The following ARMC9 variants were observed in gnomAD, a reference collection of about 807,000 sequenced individuals.
ARMC9 encodes lisH domain-containing protein ARMC9.
In ARMC9, 94 loss-of-function variants were observed where a neutral mutation model predicts 107.0. The observed-to-expected ratio is 0.88, with a 90% confidence interval of 0.74 to 1.04. The LOEUF (loss-of-function observed/expected upper bound fraction) is 1.04. ARMC9 is among the 50% of genes least tolerant of loss of function. The pLI is 0.00. For missense variants in ARMC9, 942 were observed against 1,030.1 expected (o/e 0.91, Z 1.17); for synonymous variants, 380 against 396.9 (o/e 0.96, Z 0.51).
At chr2:231,352,522 C>T (rs1402250695) in intron 21 of ARMC9, among the ~76,000 whole-genome samples, 1 of 151,166 alleles carries the variant, frequency 6.6e-6, no homozygotes, top group East Asian at 2.0e-4. Flanking sequence ...CGGGTTTTCA[C>T]CATGTTGGCC....
At chr2:231,205,513 T>C (rs1312118527) in intron 1 of ARMC9, among the ~76,000 whole-genome samples, 2 of 152,200 alleles carry the variant, frequency 1.3e-5, no homozygotes, top group Non-Finnish European at 2.9e-5. Flanking sequence ...CCTCTGGGGT[T>C]ACGGGCAACT....
intron 9 of ARMC9, among the ~76,000 whole-genome samples, chr2:231,245,458 G>A (rs2036672818): frequency 6.6e-6 from 1 of 152,194 alleles, no homozygotes; most frequent in African/African-American, 2.4e-5. Context: ...TTGAAAGTCA[G>A]CCCTGGGCAG....
intron 6 of ARMC9, among the ~76,000 whole-genome samples, chr2:231,224,108 C>T (rs2034421452): frequency 6.6e-6 from 1 of 152,036 alleles, no homozygotes; most frequent in Non-Finnish European, 1.5e-5. Flanking sequence ...AAATGATTTA[C>T]ATGGTAAATT....
Position 231,268,996 on chromosome 2 carries a change from A to ATT in ARMC9, c.1120-1986_1120-1985insTT, listed in dbSNP as rs777478261. ...GGCGAGAGGATTGCTTGAGCCCAAG[A>ATT]GGTTGAGGCTGTGAGCTGTGATCAC... On this transcript the variant is annotated intron_variant, in intron 12 of 24. Coordinates refer to ENST00000611582, the MANE Select transcript of ARMC9 (RefSeq NM_001352754.2). 4.6e-3 allele frequency among the ~76,000 whole-genome samples: 705 copies of ATT among 152,294 alleles called. 1 individual carries two copies. Among genetic ancestry groups the ATT allele is most frequent in the Non-Finnish European group, 7.3e-3 (495 of 68,008 alleles).
At chr2:231,363,906 A>C (rs1477855540) in intron 23 of ARMC9, among the ~76,000 whole-genome samples, 1 of 150,890 alleles carries the variant, frequency 6.6e-6, no homozygotes, top group Admixed American at 6.6e-5. Flanking sequence ...AAAAAAAAAA[A>C]AAAAGCCCAG....
intron 21 of ARMC9, among the ~76,000 whole-genome samples, chr2:231,350,946 CTTTTTTTTTTTT>C (rs770225857): frequency 3.8e-4 from 19 of 50,600 alleles, no homozygotes; most frequent in African/African-American, 9.9e-4. Context: ...AGTGACAATT[CTTTTTTTTTTTT>C]TTTTTTTTTT....
At chr2:231,213,639 G>A (rs1300771797) in intron 3 of ARMC9, among the ~76,000 whole-genome samples, 1 of 151,818 alleles carries the variant, frequency 6.6e-6, no homozygotes, top group Non-Finnish European at 1.5e-5. Context: ...ACCATGCCCG[G>A]CTAATTTTTG....
chr2:231,245,893 G>GCTGTTCCACCCACACCAAGC (rs1297806701), intron 9 of ARMC9, among the ~76,000 whole-genome samples: 1 of 152,146 alleles, frequency 6.6e-6, no homozygotes, highest in Non-Finnish European at 1.5e-5. Flanking sequence ...ACGAGAGGGG[G>GCTGTTCCACCCACACCAAGC]CTGTTCCACC....
intron 19 of ARMC9, among the ~76,000 whole-genome samples, chr2:231,324,352 G>C (rs189605832): frequency 6.7e-4 from 101 of 150,590 alleles, no homozygotes; most frequent in Admixed American, 2.1e-3. Flanking sequence ...GGTCTTGAAC[G>C]CCTGACCTCG....
At chr2:231,285,573 GAGACA>G (rs2040529834) in intron 17 of ARMC9, among the ~76,000 whole-genome samples, 1 of 151,802 alleles carries the variant, frequency 6.6e-6, no homozygotes, top group Admixed American at 6.6e-5. Flanking sequence ...TTGAACCCAG[GAGACA>G]GAGGTTGTAG....
At chr2:231,233,501 G>T (rs978852946) in intron 7 of ARMC9, among the ~76,000 whole-genome samples, 2 of 152,140 alleles carry the variant, frequency 1.3e-5, no homozygotes, top group Non-Finnish European at 2.9e-5. Flanking sequence ...TTGTGGCCGG[G>T]TGCGGTGGCT....
chr2:231,329,405 G>C (rs1261188173), intron 19 of ARMC9, among the ~76,000 whole-genome samples: 1 of 152,030 alleles, frequency 6.6e-6, no homozygotes, highest in Admixed American at 6.6e-5. Flanking sequence ...CCGCCTCCTG[G>C]GTTCAAGTGA....
intron 19 of ARMC9, among the ~76,000 whole-genome samples, chr2:231,315,510 G>T (rs1269475302): frequency 6.6e-6 from 1 of 152,204 alleles, no homozygotes; most frequent in Non-Finnish European, 1.5e-5. Context: ...CTGCACTCCA[G>T]CCTGGGCAAC....
At chr2:231,248,382 T>A (rs1353952896) in intron 9 of ARMC9, among the ~76,000 whole-genome samples, 4 of 152,190 alleles carry the variant, frequency 2.6e-5, no homozygotes, top group Non-Finnish European at 5.9e-5. Context: ...TGTTTATTTG[T>A]ACCCTTCATG....
chr2:231,322,746 T>G (rs2043067818), intron 19 of ARMC9, among the ~76,000 whole-genome samples: 1 of 152,208 alleles, frequency 6.6e-6, no homozygotes, highest in African/African-American at 2.4e-5. Context: ...CAGTTATCAC[T>G]GAGCTCTAAC....
chr2:231,361,049 G>A (rs1018441123), intron 23 of ARMC9, among the ~76,000 whole-genome samples, 166 bp downstream of exon 23: 4 of 152,220 alleles, frequency 2.6e-5, no homozygotes, highest in Admixed American at 1.3e-4. Flanking sequence ...GAGTGCAGCC[G>A]CCACTCCTGA....
At chr2:231,226,665 A>T (rs568543578) in intron 6 of ARMC9, 109 bp from the exon 7 acceptor site, 2 of 1,334,476 alleles carry the variant, frequency 1.5e-6, no homozygotes, top group Non-Finnish European at 2.2e-6. Context: ...GGCTCCGAGA[A>T]TTCTGTTTCA....
chr2:231,273,786 C>T (rs2039538207), intron 14 of ARMC9, among the ~76,000 whole-genome samples: 2 of 152,128 alleles, frequency 1.3e-5, no homozygotes, highest in Admixed American at 1.3e-4. Context: ...CCATATTAAG[C>T]ATACAATTGA....
intron 12 of ARMC9, among the ~76,000 whole-genome samples, chr2:231,269,103 C>A (rs958238498): frequency 6.6e-6 from 1 of 152,094 alleles, no homozygotes; most frequent in South Asian, 2.1e-4. Flanking sequence ...CATTCCAATT[C>A]TTTATCTTTT....
Sources: allele counts gnomAD v4.1 joint callset (sites outside exome capture counted in the v4.1 genomes callset), GRCh38; gene constraint gnomAD v4.1.1; transcripts MANE v1.5; gene names NCBI Gene and HGNC (gene_info 2026-07-23, HGNC 2026-07-21).